The following ASCC3 variants were observed in gnomAD, a reference collection of about 807,000 sequenced individuals.
ASCC3 encodes ASC-1 complex subunit P200.
ASCC3 carries 158 observed loss-of-function variants against 256.3 expected under a neutral mutation model. The observed-to-expected ratio is 0.62, with a 90% CI of 0.54 to 0.70. ASCC3 has a LOEUF of 0.70. ASCC3 is among the 30% of genes least tolerant of loss of function. The probability of loss-of-function intolerance (pLI) is 0.00; values close to 1 mark genes in which losing one functional copy is unlikely to be tolerated. For synonymous variants in ASCC3, 948 were observed against 883.4 expected (o/e 1.07, Z -1.30); for missense variants, 2,259 against 2,626.0 (o/e 0.86, Z 3.05).
rs999234630 is a variant in ASCC3, at chr6:100,801,304, A to G, written c.923-800T>C. On this transcript the variant is annotated intron_variant, in intron 5 of 41. Coordinates refer to ENST00000369162, the MANE Select transcript of ASCC3 (RefSeq NM_006828.4). ...AAGTAATCCAAGTCAATAAACATTT[A>G]CTGTATTGAGGTCCTACTCAGTTCT... Among the ~76,000 whole-genome samples the G allele has an allele frequency of 2.0e-5, 3 of 152,268 alleles. No homozygotes were observed. The East Asian group carries it at 5.8e-4, about 29-fold the overall frequency.
At chr6:100,756,995 A>G (rs1781210249) in intron 10 of ASCC3, among the ~76,000 whole-genome samples, 1 of 152,166 alleles carries the variant, frequency 6.6e-6, no homozygotes, top group South Asian at 2.1e-4. Context: ...TCACAGATGG[A>G]GAGACATAAT....
chr6:100,534,147 G>A (rs548785334), intron 37 of ASCC3, among the ~76,000 whole-genome samples: 191 of 152,328 alleles, frequency 1.3e-3, no homozygotes, highest in African/African-American at 4.5e-3. Context: ...AGGAGGCTGA[G>A]GTGGGAGAAT....
chr6:100,585,630 T>C (rs922400918), intron 36 of ASCC3, among the ~76,000 whole-genome samples: 1 of 152,234 alleles, frequency 6.6e-6, no homozygotes, highest in Non-Finnish European at 1.5e-5. Context: ...TGAGGAACTG[T>C]GTTCCTTTGG....
chr6:100,848,933 C>A (rs1772524304), intron 3 of ASCC3, among the ~76,000 whole-genome samples: 1 of 151,942 alleles, frequency 6.6e-6, no homozygotes, highest in Non-Finnish European at 1.5e-5. Context: ...TGGTGAGAAC[C>A]ATCTCTACAA....
intron 13 of ASCC3, among the ~76,000 whole-genome samples, chr6:100,685,093 C>T (rs1408927551): frequency 6.6e-6 from 1 of 152,134 alleles, no homozygotes. Flanking sequence ...AGGCGTGAGC[C>T]ACCATGCGCG....
intron 36 of ASCC3, among the ~76,000 whole-genome samples, chr6:100,586,100 G>A (rs1001213938): frequency 6.6e-6 from 1 of 152,154 alleles, no homozygotes; most frequent in South Asian, 2.1e-4. Flanking sequence ...GAGAACCACT[G>A]CTCTCTTCAA....
rs564176299 is a variant in ASCC3 at position 100,744,231 on chromosome 6, A to ATTTAT, written c.1738-18533_1738-18529dup. Among the ~76,000 whole-genome samples the ATTTAT allele has an allele frequency of 1.7e-3, 265 of 152,220 alleles. 2 individuals are homozygous for ATTTAT. Among genetic ancestry groups the ATTTAT allele is most frequent in the Middle Eastern group, 0.01 (3 of 294 alleles). ...TTCCATATTTTATCAAGTAGCTTAAATTTATTTTATTTTATTTTTAGCTCT... is the reference window on the plus strand; with the variant it reads ...TTCCATATTTTATCAAGTAGCTTAAATTTATTTTATTTTATTTTATTTTTAGCTCT... On this transcript the variant is annotated intron_variant, in intron 10 of 41. Coordinates refer to ENST00000369162, the MANE Select transcript of ASCC3 (RefSeq NM_006828.4).
At chr6:100,553,127 G>C (rs1184867231) in intron 36 of ASCC3, among the ~76,000 whole-genome samples, 1 of 151,958 alleles carries the variant, frequency 6.6e-6, no homozygotes, top group African/African-American at 2.4e-5. Context: ...TTTATGCTGG[G>C]TGTTTCAGAA....
Position 100,509,407 on chromosome 6 carries a change from C to T in ASCC3, c.6588G>A (p.Leu2196=), listed in dbSNP as rs975701420. The change falls in exon 42 of 42, where the codon CTG becomes CTA. Residue 2196 remains leucine, a synonymous_variant. Transcript: ENST00000369162. ...CAAGTTACTTTAATGCCAGGTCAGTCAGGGAATCAGAGACCTTGGTGTTGA... is the reference window on the plus strand; with the variant it reads ...CAAGTTACTTTAATGCCAGGTCAGTTAGGGAATCAGAGACCTTGGTGTTGA... ...AQVNTKVSDS[L]TDLALK is the part of the protein sequence containing the mutation. The T allele has an allele frequency of 6.2e-7, 1 of 1,614,168 alleles. No homozygotes were observed.
intron 17 of ASCC3, among the ~76,000 whole-genome samples, chr6:100,654,093 T>A (rs1321064376): frequency 6.6e-6 from 1 of 152,074 alleles, no homozygotes; most frequent in African/African-American, 2.4e-5. Context: ...GGAAGTAAGA[T>A]GGAGTCAAGA....
intron 26 of ASCC3, 120 bp from the exon 27 acceptor site, chr6:100,629,301 T>C (rs1582593926): frequency 1.1e-6 from 1 of 884,842 alleles, no homozygotes; most frequent in East Asian, 2.7e-5. Flanking sequence ...TTTATCTACC[T>C]TTGATTTTTG....
At chr6:100,793,574 A>T (rs993065803) in intron 8 of ASCC3, among the ~76,000 whole-genome samples, 1 of 152,030 alleles carries the variant, frequency 6.6e-6, no homozygotes, top group East Asian at 1.9e-4. Flanking sequence ...ATTTACAGAC[A>T]TCATAGCAAA....
chr6:100,554,345 A>G (rs188707505), intron 36 of ASCC3, among the ~76,000 whole-genome samples: 277 of 152,312 alleles, frequency 1.8e-3, no homozygotes, highest in Non-Finnish European at 2.6e-3. Flanking sequence ...AGACACGACC[A>G]GAATGGATTT....
At chr6:100,611,954 T>C (rs1183414120) in intron 30 of ASCC3, among the ~76,000 whole-genome samples, 1 of 151,914 alleles carries the variant, frequency 6.6e-6, no homozygotes, top group African/African-American at 2.4e-5. Context: ...TTTGTTGTAA[T>C]GTATAGGTGT....
At chr6:100,670,941 G>A (rs1776714185) in intron 14 of ASCC3, among the ~76,000 whole-genome samples, 1 of 151,918 alleles carries the variant, frequency 6.6e-6, no homozygotes, top group Non-Finnish European at 1.5e-5. Context: ...TTCCATATAT[G>A]AATTACTGTA....
intron 10 of ASCC3, among the ~76,000 whole-genome samples, chr6:100,750,842 C>T (rs1426249550): frequency 1.3e-5 from 2 of 151,908 alleles, no homozygotes; most frequent in African/African-American, 4.8e-5. Flanking sequence ...CTGGTGACCA[C>T]TCAAGTGTGT....
At chr6:100,659,275 C>G (rs567411695) in intron 16 of ASCC3, among the ~76,000 whole-genome samples, 11 of 151,576 alleles carry the variant, frequency 7.3e-5, no homozygotes, top group African/African-American at 2.4e-4. Flanking sequence ...GAACACAGCA[C>G]ATATTCATTT....
chr6:100,772,920 T>C (rs76179164), intron 8 of ASCC3, among the ~76,000 whole-genome samples: 2,085 of 152,316 alleles, frequency 0.014, 21 homozygotes, highest in East Asian at 0.045. Flanking sequence ...AAGGTAAAGG[T>C]GTTATCTTTT....
rs534783267 is a variant in ASCC3, at chr6:100,647,932, T to A, written c.3253-481A>T. ...ATACTGATTAGTGTAGCTACTCATATGAAAGGGCCATACAAATGGCTTCCT... is the reference window on the plus strand; with the variant it reads ...ATACTGATTAGTGTAGCTACTCATAAGAAAGGGCCATACAAATGGCTTCCT... On this transcript the variant is annotated intron_variant, in intron 20 of 41. Coordinates refer to ENST00000369162, the MANE Select transcript of ASCC3 (RefSeq NM_006828.4). Among the ~76,000 whole-genome samples, 70 of 152,280 alleles carry A rather than the reference T, an allele frequency of 4.6e-4. 1 individual carries two copies. The South Asian group carries it at 0.014, about 30-fold the overall frequency.
Sources: gnomAD v4.1 joint callset for allele counts (sites outside exome capture counted in the v4.1 genomes callset) on GRCh38, gnomAD v4.1.1 for gene constraint, MANE v1.5 for transcripts, NCBI Gene and HGNC (gene_info 2026-07-23, HGNC 2026-07-21) for gene names.